The following CRIM1 variants were observed in gnomAD, a reference collection of about 807,000 sequenced individuals.
CRIM1 encodes cysteine-rich motor neuron 1 protein.
A neutral mutation model predicts 116.4 loss-of-function variants in CRIM1; 32 were observed. That is an observed-to-expected ratio of 0.27 (90% CI 0.21 to 0.37). CRIM1 has a LOEUF of 0.37. CRIM1 is among the 10% of genes least tolerant of loss of function. The pLI, the probability that CRIM1 is intolerant of heterozygous loss-of-function variation, is 1.00. For missense variants in CRIM1, 1,331 were observed against 1,354.8 expected (o/e 0.98, Z 0.28); for synonymous variants, 590 against 509.2 (o/e 1.16, Z -2.13).
chr2:36,467,346 T>C (rs1443431291), intron 5 of CRIM1, among the ~76,000 whole-genome samples: 1 of 152,232 alleles, frequency 6.6e-6, no homozygotes, highest in Non-Finnish European at 1.5e-5. Context: ...TCTCAAAGCC[T>C]GCATTTTTCT....
At chr2:36,480,742 A>G (rs1328027591) in intron 7 of CRIM1, among the ~76,000 whole-genome samples, 1 of 152,160 alleles carries the variant, frequency 6.6e-6, no homozygotes, top group Admixed American at 6.5e-5. Flanking sequence ...CTTTCTGTTG[A>G]CATCACCGAT....
intron 2 of CRIM1, among the ~76,000 whole-genome samples, chr2:36,433,993 A>G (rs1675098168): frequency 2.0e-5 from 3 of 152,130 alleles, no homozygotes. Context: ...CTGGGACTGT[A>G]TCAACAAGTC....
At chr2:36,380,527 G>A (rs573445283) in intron 1 of CRIM1, among the ~76,000 whole-genome samples, 1 of 152,178 alleles carries the variant, frequency 6.6e-6, no homozygotes, top group Non-Finnish European at 1.5e-5. Context: ...TGAGAGGCCA[G>A]ATCCTGTGGG....
rs1404462544 is a variant in CRIM1, at chr2:36,548,847, T to C, written c.*146T>C. On this transcript the variant is annotated 3_prime_UTR_variant, in exon 17 of 17. Coordinates refer to ENST00000280527, the MANE Select transcript of CRIM1 (RefSeq NM_016441.3). ...GCTAAGACCTTACTGGGATGGGCTC[T>C]GTCTACAGCAATGTGCAGAACAAGC... 7 of 566,264 alleles carry C rather than the reference T, an allele frequency of 1.2e-5. No individual in the cohort carries two copies. The highest frequency in any genetic ancestry group is 7.3e-5 in the Admixed American group (2 of 27,556). 35.1% of individuals were successfully genotyped at this position (566,264 alleles called of 1,614,324 possible). A position where few individuals can be genotyped will look rare whatever the true frequency, so the allele number is the denominator to read the frequency against.
chr2:36,447,124 A>G (rs1486621514), intron 4 of CRIM1, among the ~76,000 whole-genome samples: 1 of 152,212 alleles, frequency 6.6e-6, no homozygotes, highest in East Asian at 1.9e-4. Flanking sequence ...TAATTCTATG[A>G]GGAATTTATA....
At chr2:36,541,380 A>G (rs1430645733) in intron 14 of CRIM1, among the ~76,000 whole-genome samples, 1 of 152,202 alleles carries the variant, frequency 6.6e-6, no homozygotes, top group African/African-American at 2.4e-5. Flanking sequence ...CCATCTTTGG[A>G]TATGAGTACA....
Position 36,429,722 on chromosome 2 carries a change from G to A in CRIM1, c.506-11536G>A, listed in dbSNP as rs540073336. Reference sequence around the variant, plus strand: ...CACGGTGCCTAGACAGCAGCATCAGGAGCCTGTGAATTTGTTAGAAGCACA... The same window carrying A: ...CACGGTGCCTAGACAGCAGCATCAGAAGCCTGTGAATTTGTTAGAAGCACA... On this transcript the variant is annotated intron_variant, in intron 2 of 16. Coordinates refer to ENST00000280527, the MANE Select transcript of CRIM1 (RefSeq NM_016441.3). Among the ~76,000 whole-genome samples, 20 of 152,304 alleles carry A rather than the reference G, an allele frequency of 1.3e-4. No individual in the cohort carries two copies. In the South Asian group the frequency reaches 3.3e-3, roughly 25 times the overall value.
intron 1 of CRIM1, among the ~76,000 whole-genome samples, chr2:36,361,709 G>T (rs1572552327): frequency 2.0e-5 from 3 of 152,192 alleles, no homozygotes; most frequent in African/African-American, 7.2e-5. Context: ...TGCAAGCAGA[G>T]ATGATAGTGT....
chr2:36,424,926 T>G (rs1202269974), intron 2 of CRIM1, among the ~76,000 whole-genome samples: 1 of 152,240 alleles, frequency 6.6e-6, no homozygotes, highest in East Asian at 1.9e-4. Context: ...TTAAATTATT[T>G]CCTCTATTCT....
intron 2 of CRIM1, among the ~76,000 whole-genome samples, chr2:36,437,624 TTAATA>T (rs1399317489): frequency 3.3e-5 from 5 of 152,134 alleles, no homozygotes; most frequent in Non-Finnish European, 7.3e-5. Context: ...TGAAAAGCAT[TTAATA>T]AGATTTAACC....
At chr2:36,502,765 G>A (rs1389663038) in intron 8 of CRIM1, among the ~76,000 whole-genome samples, 3 of 152,220 alleles carry the variant, frequency 2.0e-5, no homozygotes, top group Non-Finnish European at 4.4e-5. Flanking sequence ...CACCAGAGTA[G>A]AGAAAGAACT....
intron 2 of CRIM1, among the ~76,000 whole-genome samples, chr2:36,430,138 A>AT (rs1454123637): frequency 3.3e-5 from 5 of 152,154 alleles, no homozygotes; most frequent in African/African-American, 2.4e-5. Context: ...AATTGCTGGT[A>AT]TTTTGAAATA....
At chr2:36,522,060 T>A in intron 12 of CRIM1, 32 bp from the exon 13 acceptor site, 1 of 1,592,878 alleles carries the variant, frequency 6.3e-7, no homozygotes, top group East Asian at 2.2e-5. Context: ...CAACAGCATC[T>A]TCTTTGCTGA....
At chr2:36,523,849 C>T (rs1477858339) in intron 13 of CRIM1, among the ~76,000 whole-genome samples, 3 of 152,130 alleles carry the variant, frequency 2.0e-5, no homozygotes, top group African/African-American at 4.8e-5. Flanking sequence ...CTGTCCTTGT[C>T]TTGTGACTTC....
intron 1 of CRIM1, among the ~76,000 whole-genome samples, chr2:36,368,036 G>C (rs895023180): frequency 1.3e-5 from 2 of 152,230 alleles, no homozygotes; most frequent in South Asian, 4.1e-4. Flanking sequence ...CACTAGGAGA[G>C]AGTTGAGTAA....
intron 7 of CRIM1, among the ~76,000 whole-genome samples, chr2:36,493,439 G>A (rs1365028415): frequency 6.6e-6 from 1 of 152,202 alleles, no homozygotes. Flanking sequence ...GGACAGCACA[G>A]TGAGGCAGCA....
intron 13 of CRIM1, 131 bp downstream of exon 13, chr2:36,522,444 G>C: frequency 1.4e-6 from 1 of 692,740 alleles, no homozygotes; most frequent in Non-Finnish European, 2.5e-6. Flanking sequence ...CACAGACCCA[G>C]TGTAGCAACA....
At chr2:36,492,853 C>T (rs1224736184) in intron 7 of CRIM1, among the ~76,000 whole-genome samples, 1 of 152,126 alleles carries the variant, frequency 6.6e-6, no homozygotes, top group South Asian at 2.1e-4. Context: ...ACCCCCCAAT[C>T]CCTGCCCAAA....
chr2:36,527,760 A>G (rs186940872), intron 13 of CRIM1, among the ~76,000 whole-genome samples: 1 of 152,342 alleles, frequency 6.6e-6, no homozygotes, highest in Admixed American at 6.5e-5. Flanking sequence ...AGGCATCTTT[A>G]AGCTATACAA....
Sources: gnomAD v4.1 joint callset for allele counts (sites outside exome capture counted in the v4.1 genomes callset) on GRCh38, gnomAD v4.1.1 for gene constraint, MANE v1.5 for transcripts, NCBI Gene and HGNC (gene_info 2026-07-23, HGNC 2026-07-21) for gene names.